ANO3: variants seen among roughly 807,000 people sequenced by gnomAD.
ANO3 encodes the protein anoctamin 3, also known as anoctamin-3.
ANO3 carries 99 observed loss-of-function variants against 144.8 expected under a neutral mutation model. That is an observed-to-expected ratio of 0.68 (90% CI 0.58 to 0.81). The LOEUF is 0.81. ANO3 is among the 30% of genes least tolerant of loss of function. ANO3 has a pLI of 0.00. For missense variants in ANO3, 905 were observed against 1,202.2 expected (o/e 0.75, Z 3.66); for synonymous variants, 414 against 392.6 (o/e 1.05, Z -0.64).
chr11:26,216,091 T>C (rs1852030698), intron 1 of ANO3, among the ~76,000 whole-genome samples: 1 of 152,026 alleles, frequency 6.6e-6, no homozygotes. Flanking sequence ...GTTTCATGTA[T>C]TTGTAATAAA....
At chr11:26,255,578 C>T (rs1384702885) in intron 1 of ANO3, among the ~76,000 whole-genome samples, 2 of 151,896 alleles carry the variant, frequency 1.3e-5, no homozygotes, top group Non-Finnish European at 2.9e-5. Context: ...TAGATAAGAG[C>T]CCAAGAAAAA....
rs201093158 is a variant in ANO3, at chr11:26,553,219, G to GTTTTTTT, written c.1290-26_1290-25insTTTTTTT. On this transcript the variant is annotated intron_variant, in intron 12 of 26. Coordinates refer to ENST00000256737, the MANE Select transcript of ANO3 (RefSeq NM_031418.4). Reference sequence around the variant, plus strand: ...TAGTCACAGTTTCATGCTATGTTTTGTTTTGTTTTTGTTTTTGTTTTTTCT... The same window carrying GTTTTTTT: ...TAGTCACAGTTTCATGCTATGTTTTGTTTTTTTTTTTGTTTTTGTTTTTGTTTTTTCT... 1.1e-3 allele frequency: 1,339 copies of GTTTTTTT among 1,197,424 alleles called. 73 individuals carry two copies. The highest frequency in any genetic ancestry group is 3.7e-3 in the South Asian group (281 of 76,112). 74.2% of individuals were successfully genotyped at this position (1,197,424 alleles called of 1,614,324 possible).
chr11:26,525,196 G>C (rs1184251791), intron 6 of ANO3, among the ~76,000 whole-genome samples: 4 of 152,066 alleles, frequency 2.6e-5, no homozygotes, highest in Middle Eastern at 3.4e-3. Flanking sequence ...AGTTTTAGTG[G>C]TTATAACACT....
At chr11:26,271,375 G>A (rs535259804) in intron 1 of ANO3, among the ~76,000 whole-genome samples, 43 of 152,268 alleles carry the variant, frequency 2.8e-4, no homozygotes, top group Admixed American at 3.9e-4. Flanking sequence ...TCCTGACATG[G>A]GGCACAGAAT....
At chr11:26,376,171 G>C (rs531527422) in intron 1 of ANO3, among the ~76,000 whole-genome samples, 1 of 152,062 alleles carries the variant, frequency 6.6e-6, no homozygotes, top group African/African-American at 2.4e-5. Context: ...ATCATTGTAC[G>C]TGGGTGAAAA....
Position 26,634,244 on chromosome 11 carries a change from C to A in ANO3, c.1914C>A (p.Ala638=), listed in dbSNP as rs762665874. The A allele has an allele frequency of 5.0e-6, 8 of 1,613,924 alleles. No homozygotes were observed. Among genetic ancestry groups the A allele is most frequent in the Non-Finnish European group, 5.9e-6 (7 of 1,179,882 alleles). ...AATCAGAGTGGGAAAACAGCTTCGC[C>A]CTGAAGATGTTCCTCTTCCAGTTTG... is the stretch of plus-strand genomic sequence containing the variant. The part of the protein sequence containing the change: ...RTESEWENSF[A]LKMFLFQFVN... Residue 638 remains alanine, a synonymous_variant, in exon 19 of 27, where the codon GCC becomes GCA. Coordinates refer to ENST00000256737, the MANE Select transcript of ANO3 (RefSeq NM_031418.4).
intron 14 of ANO3, among the ~76,000 whole-genome samples, chr11:26,574,829 G>T (rs1850945775): frequency 6.6e-6 from 1 of 151,998 alleles, no homozygotes; most frequent in African/African-American, 2.4e-5. Flanking sequence ...CCATTTTGGG[G>T]TTAAGGAAAT....
At chr11:26,409,170 T>C (rs1302301200) in intron 1 of ANO3, among the ~76,000 whole-genome samples, 1 of 151,170 alleles carries the variant, frequency 6.6e-6, no homozygotes, top group Non-Finnish European at 1.5e-5. Context: ...TTCCTCTGGA[T>C]GGCTTCTCTG....
chr11:26,486,042 A>C (rs1362475738), intron 4 of ANO3, among the ~76,000 whole-genome samples: 1 of 151,486 alleles, frequency 6.6e-6, no homozygotes, highest in Non-Finnish European at 1.5e-5. Context: ...CAATAAAGCA[A>C]ATATTCCTTA....
At chr11:26,577,198 G>T (rs1000831963) in intron 14 of ANO3, among the ~76,000 whole-genome samples, 1 of 152,128 alleles carries the variant, frequency 6.6e-6, no homozygotes, top group Non-Finnish European at 1.5e-5. Context: ...GGGTAGATAT[G>T]GTTTTGGTGG....
chr11:26,223,344 T>G (rs1852188783), intron 1 of ANO3, among the ~76,000 whole-genome samples: 2 of 152,108 alleles, frequency 1.3e-5, no homozygotes, highest in Non-Finnish European at 2.9e-5. Context: ...AATAAATTAC[T>G]CATTTTGATC....
At chr11:26,595,425 T>G (rs1299344201) in intron 14 of ANO3, among the ~76,000 whole-genome samples, 1 of 147,844 alleles carries the variant, frequency 6.8e-6, no homozygotes, top group Admixed American at 6.9e-5. Context: ...GGAGAGGGTG[T>G]AGGTAAACTT....
At chr11:26,524,663 G>A (rs1849118528) in intron 6 of ANO3, among the ~76,000 whole-genome samples, 1 of 152,076 alleles carries the variant, frequency 6.6e-6, no homozygotes, top group South Asian at 2.1e-4. Flanking sequence ...AATTAATTCT[G>A]TCACCTTAAT....
At chr11:26,641,776 C>A in intron 21 of ANO3, 120 bp from the exon 22 acceptor site, 1 of 1,100,328 alleles carries the variant, frequency 9.1e-7, no homozygotes, top group East Asian at 2.8e-5. Flanking sequence ...AAAGGTAAAA[C>A]CAAATACCTC....
chr11:26,300,475 G>A (rs1854201625), intron 1 of ANO3, among the ~76,000 whole-genome samples: 1 of 152,154 alleles, frequency 6.6e-6, no homozygotes, highest in Non-Finnish European at 1.5e-5. Context: ...AGTTAGTGAG[G>A]CTGGAGAAGA....
chr11:26,406,953 C>CAT (rs1010825022), intron 1 of ANO3, among the ~76,000 whole-genome samples: 6 of 140,704 alleles, frequency 4.3e-5, no homozygotes, highest in South Asian at 2.2e-4. Flanking sequence ...TGTATATATA[C>CAT]ATATATATAT....
intron 4 of ANO3, among the ~76,000 whole-genome samples, chr11:26,486,825 T>C (rs1230441603): frequency 6.6e-6 from 1 of 152,234 alleles, no homozygotes; most frequent in African/African-American, 2.4e-5. Flanking sequence ...TCTATCATCT[T>C]CATTTGATAG....
chr11:26,403,690 A>C (rs560774828), intron 1 of ANO3, among the ~76,000 whole-genome samples: 1 of 152,028 alleles, frequency 6.6e-6, no homozygotes, highest in East Asian at 1.9e-4. Context: ...AAAGAATATA[A>C]GACAAATTCC....
intron 18 of ANO3, among the ~76,000 whole-genome samples, 157 bp downstream of exon 18, chr11:26,624,655 A>G (rs1322777859): frequency 6.6e-6 from 1 of 152,258 alleles, no homozygotes; most frequent in African/African-American, 2.4e-5. Context: ...GTTGGTCTAT[A>G]TTGAATAACA....
Sources: allele counts gnomAD v4.1 joint callset (sites outside exome capture counted in the v4.1 genomes callset), GRCh38; gene constraint gnomAD v4.1.1; transcripts MANE v1.5; gene names NCBI Gene and HGNC (gene_info 2026-07-23, HGNC 2026-07-21).